ARHGAP39: variants seen among roughly 807,000 people sequenced by gnomAD.
ARHGAP39 encodes Rho GTPase activating protein 39, also known as rho GTPase-activating protein 39.
ARHGAP39 carries 44 observed loss-of-function variants against 106.9 expected under a neutral mutation model. That is an observed-to-expected ratio of 0.41 (90% confidence interval 0.32 to 0.53). ARHGAP39 has a LOEUF of 0.53. Ranked by LOEUF, ARHGAP39 falls within the 20% of genes least tolerant of loss-of-function variation. The probability of loss-of-function intolerance (pLI) is 0.21; values close to 1 mark genes in which losing one functional copy is unlikely to be tolerated. For missense variants in ARHGAP39, 1,496 were observed against 1,577.3 expected (o/e 0.95, Z 0.87); for synonymous variants, 768 against 693.2 (o/e 1.11, Z -1.69).
Position 144,547,228 on chromosome 8 carries a change from C to T in ARHGAP39, c.1858G>A (p.Gly620Ser), listed in dbSNP as rs917945774. Residue 620 changes from glycine (G) to serine (S), a missense_variant, in exon 5 of 12, where the codon GGC (glycine) becomes AGC (serine). Physicochemically the swap from Gly to Ser is moderately conservative, Grantham distance 56. Coordinates refer to ENST00000377307, the MANE Select transcript of ARHGAP39 (RefSeq NM_025251.3). This position sits in a 1 kb window ranked among gnomAD's most constrained non-coding sequence, Gnocchi z 5.2. ...GGGAAGCCTAGCTTCTCGAAGGTGCCCCTCCTCCAGTGCCTGTTCTCCTGC... is the reference window on the plus strand; with the variant it reads ...GGGAAGCCTAGCTTCTCGAAGGTGCTCCTCCTCCAGTGCCTGTTCTCCTGC... ...AQQENRHWRRGTFEKLGFPQI... is the reference protein window; with the variant it reads ...AQQENRHWRRSTFEKLGFPQI... The T allele has an allele frequency of 3.7e-6, 6 of 1,612,516 alleles. No individual in the cohort carries two copies. Among genetic ancestry groups the T allele is most frequent in the Admixed American group, 1.7e-5 (1 of 59,982 alleles).
At chr8:144,612,138 G>A (rs77000999) in intron 1 of ARHGAP39, among the ~76,000 whole-genome samples, 1 of 151,766 alleles carries the variant, frequency 6.6e-6, no homozygotes, top group African/African-American at 2.4e-5. Flanking sequence ...CCACGGCTGC[G>A]CCGCTGCACT....
intron 1 of ARHGAP39, among the ~76,000 whole-genome samples, chr8:144,642,270 GAGACCAGCAGTTC>G (rs963399313): frequency 6.6e-6 from 1 of 152,180 alleles, no homozygotes; most frequent in Non-Finnish European, 1.5e-5. Flanking sequence ...TGGATGACCT[GAGACCAGCAGTTC>G]AAGATTAGCC....
rs1345456934 is a variant in ARHGAP39 at position 144,585,192 on chromosome 8, G to A, written c.81-3915C>T. Among the ~76,000 whole-genome samples the A allele has an allele frequency of 6.6e-6, 1 of 152,034 alleles. No individual in the cohort carries two copies. Among genetic ancestry groups the A allele is most frequent in the Non-Finnish European group, 1.5e-5 (1 of 68,000 alleles). ...GAAACCCCACAGCAGGGAGAACTGG[G>A]ACCCCCCAGAAGCCTCTGCCGGTCC... On this transcript the variant is annotated intron_variant, in intron 2 of 11. Coordinates refer to ENST00000377307, the MANE Select transcript of ARHGAP39 (RefSeq NM_025251.3). The surrounding 1 kb of genome is among the most constrained non-coding windows in gnomAD (Gnocchi z 4.6).
chr8:144,602,612 G>A (rs186061605), intron 2 of ARHGAP39, among the ~76,000 whole-genome samples: 2 of 126,718 alleles, frequency 1.6e-5, no homozygotes, highest in East Asian at 5.1e-4. Context: ...GCGAGCTCAT[G>A]TACCTGTGTG....
In ARHGAP39 at chr8:144,547,396, G is replaced by C; in HGVS notation, c.1690C>G (p.Gln564Glu). The C allele has an allele frequency of 1.3e-6, 2 of 1,593,454 alleles. No homozygotes were observed. Among genetic ancestry groups the C allele is most frequent in the Non-Finnish European group, 1.7e-6 (2 of 1,176,672 alleles). ...TGCTTCATGTGGAAGTGGGCCTGCT[G>C]CGCCTCCCAGGCCAGCCGAGCCTGC... is the stretch of plus-strand genomic sequence containing the variant. ...LAQARLAWEA[Q>E]QAHFHMKQRS... The change falls in exon 5 of 12, where the codon CAG (glutamine) becomes GAG (glutamate). Residue 564 changes from glutamine (Q) to glutamate (E), a missense_variant. By Grantham distance (29) the Gln-to-Glu change is conservative. Around this residue, in one of 4 missense-constraint regions of ARHGAP39, gnomAD observed 905 missense variants for 816.4 expected, o/e 1.11. Transcript: ENST00000377307. The surrounding 1 kb of genome is among the most constrained non-coding windows in gnomAD (Gnocchi z 5.2).
Position 144,529,232 on chromosome 8 carries a change from TC to T in ARHGAP39, c.*1189del. On this transcript the variant is annotated 3_prime_UTR_variant, in exon 12 of 12. Coordinates refer to ENST00000377307, the MANE Select transcript of ARHGAP39 (RefSeq NM_025251.3). ...TGTCGTCGCCTCTCGGGTCCATGCG[TC>T]GGGGCGAGCGTCTCAGCCGGGCGGG... 1 of 254,520 alleles carries T rather than the reference TC, an allele frequency of 3.9e-6. No individual in the cohort carries two copies. Among genetic ancestry groups the T allele is most frequent in the Non-Finnish European group, 7.4e-6 (1 of 134,838 alleles). 15.8% of individuals were successfully genotyped at this position (254,520 alleles called of 1,614,324 possible).
chr8:144,598,332 T>C (rs527325729), intron 2 of ARHGAP39, among the ~76,000 whole-genome samples: 1 of 152,194 alleles, frequency 6.6e-6, no homozygotes, highest in South Asian at 2.1e-4. Context: ...AAGGGGAAAC[T>C]CGGAACTCAG....
chr8:144,640,341 T>C (rs1821280747), intron 1 of ARHGAP39, among the ~76,000 whole-genome samples: 1 of 152,168 alleles, frequency 6.6e-6, no homozygotes, highest in Admixed American at 6.5e-5. Flanking sequence ...TGGTGGGAGA[T>C]AATTGAATCA....
At chr8:144,662,340 C>T (rs918024100) in intron 1 of ARHGAP39, among the ~76,000 whole-genome samples, 2 of 148,862 alleles carry the variant, frequency 1.3e-5, no homozygotes, top group African/African-American at 5.0e-5. Flanking sequence ...CGCCTTAGAG[C>T]GATTCCCCTC....
At chr8:144,581,583 T>C (rs2721183) in intron 2 of ARHGAP39, among the ~76,000 whole-genome samples, 149,962 of 152,322 alleles carry the variant, frequency 0.98, 73,986 homozygotes, top group Middle Eastern at 1. Context: ...GGCCACAACC[T>C]CACTGCCCAC....
Position 144,548,567 on chromosome 8 carries a change from G to GGCA in ARHGAP39, c.597-81_597-79dup. 1 of 1,515,416 alleles carries GGCA rather than the reference G, an allele frequency of 6.6e-7. No individual in the cohort carries two copies. The highest frequency in any genetic ancestry group is 8.8e-7 in the Non-Finnish European group (1 of 1,134,288). The allele number at this position is 1,515,416 out of a possible 1,614,324, so 93.9% of individuals were successfully genotyped here. A position where few individuals can be genotyped will look rare whatever the true frequency, so the allele number is the denominator to read the frequency against. ...ACGCCCCACCCCCTCGGGGGCTGTA[G>GGCA]GCAGCGGCTCCCGCGAACCCTCTGT... On this transcript the variant is annotated intron_variant, in intron 4 of 11. Transcript: ENST00000377307. The surrounding 1 kb of genome is among the most constrained non-coding windows in gnomAD (Gnocchi z 7.4).
At chr8:144,688,428 C>T (rs1822677757), upstream of ARHGAP39, among the ~76,000 whole-genome samples, 1 of 152,114 alleles carries the variant, frequency 6.6e-6, no homozygotes, top group African/African-American at 2.4e-5. Flanking sequence ...TCTTTAAGGA[C>T]TTAAAAAGAA....
intron 1 of ARHGAP39, among the ~76,000 whole-genome samples, chr8:144,659,581 T>C (rs1821774270): frequency 6.6e-6 from 1 of 152,164 alleles, no homozygotes; most frequent in Non-Finnish European, 1.5e-5. Flanking sequence ...ATGTTCCAAG[T>C]TCAAGCTTAA....
rs567062685 is a variant in ARHGAP39, at chr8:144,548,047, G to T, written c.1039C>A (p.Arg347=). 218 of 1,599,818 alleles carry T rather than the reference G, an allele frequency of 1.4e-4. No homozygotes were observed. Among genetic ancestry groups the T allele is most frequent in the African/African-American group, 5.5e-4 (41 of 74,622 alleles). The change falls in exon 5 of 12, where the codon CGG becomes AGG. Residue 347 remains arginine (R), a synonymous_variant. Transcript: ENST00000377307. This position sits in a 1 kb window ranked among gnomAD's most constrained non-coding sequence, Gnocchi z 7.4. Reference sequence around the variant, plus strand: ...GGCCGGGGCTTACGGCCCGGCGACCGCTGGGGAGAGCCGGCCTGGTAGCCC... The same window carrying T: ...GGCCGGGGCTTACGGCCCGGCGACCTCTGGGGAGAGCCGGCCTGGTAGCCC... ...GGGYQAGSPQ[R]SPGRKPRPFL...
intron 3 of ARHGAP39, among the ~76,000 whole-genome samples, chr8:144,578,290 G>A (rs545369058): frequency 1.9e-4 from 29 of 152,252 alleles, no homozygotes; most frequent in Non-Finnish European, 3.2e-4. Context: ...GTACAGTGGT[G>A]CGATCTCGGC....
intron 1 of ARHGAP39, among the ~76,000 whole-genome samples, chr8:144,607,475 C>G (rs1820335952): frequency 1.3e-5 from 2 of 152,224 alleles, no homozygotes; most frequent in African/African-American, 4.8e-5. Flanking sequence ...TGCCGCTACA[C>G]TCCAACAGTC....
At chr8:144,699,508 G>T in the ARHGAP39 span, among the ~76,000 whole-genome samples, 6 of 146,082 alleles carry the variant, frequency 4.1e-5, no homozygotes, top group Admixed American at 2.1e-4. Context: ...GGGCGGTGGG[G>T]CTGAGGGACC....
At chr8:144,588,378 G>A (rs1190553514) in intron 2 of ARHGAP39, among the ~76,000 whole-genome samples, 8 of 152,252 alleles carry the variant, frequency 5.3e-5, no homozygotes, top group African/African-American at 1.7e-4. Flanking sequence ...CACATCATGA[G>A]CCTGCACCTC....
intron 1 of ARHGAP39, among the ~76,000 whole-genome samples, chr8:144,614,600 A>C (rs1487063865): frequency 6.6e-6 from 1 of 152,112 alleles, no homozygotes; most frequent in Admixed American, 6.5e-5. Flanking sequence ...TGATCCGCCC[A>C]CCTTGGCCTC....
Sources: allele counts gnomAD v4.1 joint callset (sites outside exome capture counted in the v4.1 genomes callset), GRCh38; gene constraint gnomAD v4.1.1; regional missense constraint gnomAD v4.1.1; non-coding constraint Gnocchi (gnomAD v3.1); transcripts MANE v1.5; gene names NCBI Gene and HGNC (gene_info 2026-07-23, HGNC 2026-07-21).